TIAM1: variants seen among roughly 807,000 people sequenced by gnomAD.
The protein encoded by TIAM1 is rho guanine nucleotide exchange factor TIAM1.
A neutral mutation model predicts 163.5 loss-of-function variants in TIAM1; 65 were observed. The ratio of observed to expected loss-of-function variants is 0.40; its 90% CI spans 0.33 to 0.49. The LOEUF (loss-of-function observed/expected upper bound fraction) is 0.49, where lower values mean the gene tolerates loss of function less well. Ranked by LOEUF, TIAM1 falls within the 20% of genes least tolerant of loss-of-function variation. The pLI is 0.77. For synonymous variants in TIAM1, 833 were observed against 810.1 expected (o/e 1.03, Z -0.48); for missense variants, 1,789 against 2,044.7 (o/e 0.87, Z 2.41).
At chr21:31,165,173 C>G in intron 15 of TIAM1, 108 bp from the exon 16 acceptor site, 2 of 869,960 alleles carry the variant, frequency 2.3e-6, no homozygotes, top group Non-Finnish European at 3.6e-6. Context: ...TGTACATATA[C>G]TGTAAGACCC....
intron 19 of TIAM1, among the ~76,000 whole-genome samples, chr21:31,148,136 G>A (rs2083221550): frequency 6.6e-6 from 1 of 151,640 alleles, no homozygotes; most frequent in African/African-American, 2.4e-5. Flanking sequence ...TCTCCACCCT[G>A]GCTTGGAGGG....
At chr21:31,345,094 T>C (rs2076123049), upstream of TIAM1, among the ~76,000 whole-genome samples, 1 of 152,132 alleles carries the variant, frequency 6.6e-6, no homozygotes, top group South Asian at 2.1e-4. Flanking sequence ...ATGCCTCAGG[T>C]GGCTGGTTAA....
chr21:31,310,438 A>G (rs2074881676), intron 2 of TIAM1, among the ~76,000 whole-genome samples: 1 of 152,172 alleles, frequency 6.6e-6, no homozygotes, highest in Non-Finnish European at 1.5e-5. Context: ...GAAGCCACTG[A>G]AATTCCGGGT....
At chr21:31,206,218 A>C (rs2086444331) in intron 11 of TIAM1, among the ~76,000 whole-genome samples, 1 of 152,196 alleles carries the variant, frequency 6.6e-6, no homozygotes, top group Non-Finnish European at 1.5e-5. Context: ...TTTTGGTAAA[A>C]GTTTCTGAAT....
At chr21:31,377,738 G>A (rs151070940) in intron 2 of TIAM1, among the ~76,000 whole-genome samples, 121 of 151,972 alleles carry the variant, frequency 8.0e-4, no homozygotes, top group Non-Finnish European at 8.2e-4. Flanking sequence ...TGAAGATCCC[G>A]CAGGGGTCTT....
In TIAM1 at chr21:31,387,195, C is replaced by CTCTTT. The variant is rs759122075; in HGVS notation, c.-368-47774_-368-47773insAAAGA. Among the ~76,000 whole-genome samples, 551 of 75,158 alleles carry CTCTTT rather than the reference C, an allele frequency of 7.3e-3. 7 individuals are homozygous for CTCTTT. The highest frequency in any genetic ancestry group is 9.9e-3 in the Non-Finnish European group (384 of 38,792). 49.3% of individuals were successfully genotyped at this position (75,158 alleles called of 152,430 possible). On this transcript the variant is annotated intron_variant, in intron 2 of 28. Coordinates refer to the TIAM1 transcript ENST00000286827. Reference sequence around the variant, plus strand: ...GCTTTTGTTTGTAGAAGCTTATTCTCTTTTTTTTTTTTTTTTTTTTTTTTT... The same window carrying CTCTTT: ...GCTTTTGTTTGTAGAAGCTTATTCTCTCTTTTTTTTTTTTTTTTTTTTTTTTTTTT...
At chr21:31,317,168 T>C (rs1193497108) in intron 2 of TIAM1, among the ~76,000 whole-genome samples, 1 of 152,174 alleles carries the variant, frequency 6.6e-6, no homozygotes, top group East Asian at 1.9e-4. Flanking sequence ...CTTAAAACAC[T>C]GCTTGGCCGG....
At chr21:31,476,981 G>A (rs151021727) in intron 1 of TIAM1, among the ~76,000 whole-genome samples, 96 of 152,318 alleles carry the variant, frequency 6.3e-4, no homozygotes, top group African/African-American at 2.3e-3. Context: ...TGTCAACTAA[G>A]TAAACACTAA....
intron 1 of TIAM1, among the ~76,000 whole-genome samples, chr21:31,530,085 T>G (rs1220205349): frequency 1.3e-5 from 2 of 152,174 alleles, no homozygotes; most frequent in African/African-American, 4.8e-5. Flanking sequence ...CTTAACTCCT[T>G]TCTTAGAGCC....
intron 2 of TIAM1, among the ~76,000 whole-genome samples, chr21:31,308,148 G>A (rs956209200): frequency 1.3e-5 from 2 of 152,144 alleles, no homozygotes; most frequent in Admixed American, 1.3e-4. Flanking sequence ...CTATTCGGGA[G>A]GCTAAAGTAG....
At chr21:31,245,421 T>A in intron 6 of TIAM1, 67 bp downstream of exon 6, 23 of 849,856 alleles carry the variant, frequency 2.7e-5, no homozygotes, top group East Asian at 3.8e-5. Context: ...ACTGGGTGCC[T>A]AGGCAAGAAA....
At chr21:31,160,646 G>C (rs1408916288) in intron 16 of TIAM1, 1 of 396,390 alleles carries the variant, frequency 2.5e-6, no homozygotes, top group Admixed American at 4.4e-5. Flanking sequence ...TCTGAAGAGA[G>C]CATCCTCTCA....
chr21:31,239,886 G>A (rs1006257803), intron 6 of TIAM1, among the ~76,000 whole-genome samples: 1 of 152,198 alleles, frequency 6.6e-6, no homozygotes, highest in African/African-American at 2.4e-5. Flanking sequence ...GCTAATGAGA[G>A]TATAAATTAC....
At position 31,423,129 on chromosome 21, in the gene TIAM1, G is replaced by T. The variant is rs1007741613; in HGVS notation, c.-369+40854C>A. Among the ~76,000 whole-genome samples, 5 of 135,384 alleles carry T rather than the reference G, an allele frequency of 3.7e-5. No individual in the cohort carries two copies. The Admixed American group carries it at 4.1e-4, about 11-fold the overall frequency. The allele number at this position is 135,384 out of a possible 152,430, so 88.8% of individuals were successfully genotyped here. A position where few individuals can be genotyped will look rare whatever the true frequency, so the allele number is the denominator to read the frequency against. On this transcript the variant is annotated intron_variant, in intron 2 of 28. Transcript: ENST00000286827. ...TTTTTTTTTTTTTGAGACGGAGTCT[G>T]GCTCTGTCACCCAGGCTGGAGTGCA...
Position 31,224,787 on chromosome 21 carries a change from C to T in TIAM1, c.1809+939G>A, listed in dbSNP as rs572441487. ...CCAGAGGGAGAGAAATGTGGAAGGC[C>T]CATGTCAATTGTTCAATGATTTAAA... On this transcript the variant is annotated intron_variant, in intron 7 of 27. Transcript: ENST00000541036. Among the ~76,000 whole-genome samples the T allele has an allele frequency of 1.6e-3, 238 of 152,118 alleles. 3 individuals carry two copies. The highest frequency in any genetic ancestry group is 3.4e-3 in the Middle Eastern group (1 of 294).
intron 2 of TIAM1, among the ~76,000 whole-genome samples, chr21:31,424,593 T>C (rs1235781621): frequency 6.6e-6 from 1 of 152,170 alleles, no homozygotes; most frequent in African/African-American, 2.4e-5. Context: ...GAGTACCAAA[T>C]TCATAGAGAA....
exon 2 of TIAM1, chr21:31,464,015 A>G (rs1318913047): frequency 3.3e-5 from 5 of 152,244 alleles, no homozygotes; most frequent in Admixed American, 6.5e-5. Flanking sequence ...AGCTGTTTAC[A>G]TCTGGAATGC....
chr21:31,450,097 T>G (rs9984485), intron 2 of TIAM1, among the ~76,000 whole-genome samples: 42,377 of 152,070 alleles, frequency 0.28, 6,216 homozygotes, highest in Non-Finnish European at 0.32. Context: ...ACAGGCCTCC[T>G]GGGCCCCGAA....
At chr21:31,230,424 G>C (rs765399825) in intron 6 of TIAM1, among the ~76,000 whole-genome samples, 1 of 151,600 alleles carries the variant, frequency 6.6e-6, no homozygotes, top group African/African-American at 2.4e-5. Context: ...AAAAAGTTTT[G>C]GTTCTGTTTT....
Sources: gnomAD v4.1 joint callset for allele counts (sites outside exome capture counted in the v4.1 genomes callset) on GRCh38, gnomAD v4.1.1 for gene constraint, MANE v1.5 for transcripts, NCBI Gene and HGNC (gene_info 2026-07-23, HGNC 2026-07-21) for gene names.